Variants in NCOR1 observed in about 807,000 individuals in gnomAD.
NCOR1 encodes the protein protein phosphatase 1, regulatory subunit 109.
A neutral mutation model predicts 288.1 loss-of-function variants in NCOR1; 63 were observed. That is an observed-to-expected ratio of 0.22 (90% CI 0.18 to 0.27). The LOEUF is 0.27. Ranked by LOEUF, NCOR1 falls within the 10% of genes least tolerant of loss-of-function variation. NCOR1 has a pLI of 1.00. For missense variants in NCOR1, 2,397 were observed against 3,019.2 expected, an observed-to-expected ratio of 0.79 and a Z score of 4.83; for synonymous variants, 1,007 against 1,065.9, an observed-to-expected ratio of 0.94 and a Z score of 1.08.
In NCOR1 at chr17:16,186,649, T is replaced by C. The variant is rs1568553121; in HGVS notation, c.147A>G (p.Glu49=). The change falls in exon 3 of 46, where the codon GAA becomes GAG. Residue 49 remains glutamate (E), a synonymous_variant. Transcript: ENST00000268712. ...AVPDYRSSHL[E]VSQASQLLQQ... ...GCAAAAGCTGTGATGCCTGACTCAC[T>C]TCAAGATGAGAGGAACGATAATCAG... is the stretch of plus-strand genomic sequence containing the variant. 1.2e-6 allele frequency: 2 copies of C among 1,613,972 alleles called. No homozygotes were observed. Among genetic ancestry groups the C allele is most frequent in the Non-Finnish European group, 1.7e-6 (2 of 1,179,920 alleles).
At chr17:16,100,112 G>A (rs545874021) in intron 20 of NCOR1, among the ~76,000 whole-genome samples, 5 of 151,946 alleles carry the variant, frequency 3.3e-5, no homozygotes, top group Non-Finnish European at 7.4e-5. Context: ...AATTGGGTTC[G>A]GATTAAGTGA....
chr17:16,040,140 A>G, intron 43 of NCOR1: 4 of 528,202 alleles, frequency 7.6e-6, no homozygotes, highest in Non-Finnish European at 1.4e-5. Flanking sequence ...TTGTTTCCCA[A>G]GTGAATCAGT....
At chr17:16,137,188 C>T (rs2153234016) in intron 14 of NCOR1, 123 bp downstream of exon 14, 1 of 529,458 alleles carries the variant, frequency 1.9e-6, no homozygotes, top group Non-Finnish European at 3.3e-6. Context: ...AACATCCTCA[C>T]TAATTTAACA....
intron 1 of NCOR1, among the ~76,000 whole-genome samples, chr17:16,214,045 C>A (rs178798): frequency 0.46 from 69,629 of 151,922 alleles, 16,892 homozygotes; most frequent in Middle Eastern, 0.58. Context: ...AATAAATAAA[C>A]TTCCACCGGA....
At chr17:16,184,220 A>G (rs1330010134) in intron 3 of NCOR1, among the ~76,000 whole-genome samples, 1 of 152,198 alleles carries the variant, frequency 6.6e-6, no homozygotes, top group Non-Finnish European at 1.5e-5. Context: ...GCACAAATAT[A>G]TAAATGGGAC....
At chr17:16,092,411 T>TGG (rs1467715810) in intron 21 of NCOR1, among the ~76,000 whole-genome samples, 6 of 151,826 alleles carry the variant, frequency 4.0e-5, no homozygotes, top group African/African-American at 1.5e-4. Flanking sequence ...CACTTGAGCC[T>TGG]GGGAGGCAGA....
intron 5 of NCOR1, among the ~76,000 whole-genome samples, chr17:16,159,413 CAAAAAAAAAA>C (rs35243097): frequency 1.5e-5 from 1 of 66,296 alleles, no homozygotes; most frequent in South Asian, 6.0e-4. Flanking sequence ...AACTCTATCT[CAAAAAAAAAA>C]AAAAAAAAAA....
intron 18 of NCOR1, among the ~76,000 whole-genome samples, chr17:16,113,262 AAAT>A (rs1328532035): frequency 2.6e-5 from 4 of 152,142 alleles, no homozygotes; most frequent in African/African-American, 9.7e-5. Flanking sequence ...AAAAAAAAAA[AAAT>A]GACTTACTAA....
chr17:16,046,914 T>C (rs753757247), intron 42 of NCOR1, 37 bp downstream of exon 42: 3 of 1,608,350 alleles, frequency 1.9e-6, no homozygotes, highest in Non-Finnish European at 2.5e-6. Context: ...TATTAATGCA[T>C]GTTTTATTTG....
At chr17:16,070,136 T>A (rs1196283208) in intron 31 of NCOR1, 29 bp downstream of exon 31, 1 of 1,541,122 alleles carries the variant, frequency 6.5e-7, no homozygotes, top group Non-Finnish European at 8.7e-7. Flanking sequence ...CAATAAAAAG[T>A]ATCAGACCAA....
intron 14 of NCOR1, among the ~76,000 whole-genome samples, chr17:16,130,906 C>T (rs1055407001): frequency 6.6e-6 from 1 of 151,350 alleles, no homozygotes; most frequent in African/African-American, 2.4e-5. Context: ...CCAGGCTGGT[C>T]TCAAATTCCT....
intron 21 of NCOR1, among the ~76,000 whole-genome samples, chr17:16,095,218 C>A (rs1318618425): frequency 6.6e-6 from 1 of 151,666 alleles, no homozygotes; most frequent in Non-Finnish European, 1.5e-5. Context: ...TACCCCGCCG[C>A]CCCGTCTGGG....
chr17:16,107,429 G>C (rs1312775822), intron 19 of NCOR1, among the ~76,000 whole-genome samples: 1 of 152,176 alleles, frequency 6.6e-6, no homozygotes, highest in Admixed American at 6.5e-5. Context: ...GAAAGGCCAT[G>C]TAAGGACAAA....
intron 43 of NCOR1, 42 bp from the exon 44 acceptor site, chr17:16,039,696 C>T (rs753978583): frequency 6.5e-7 from 1 of 1,546,174 alleles, no homozygotes; most frequent in East Asian, 2.3e-5. Context: ...TTCTGAAAGG[C>T]CAATCAGGAA....
chr17:16,044,729 G>A (rs1456645367), intron 42 of NCOR1: 2 of 746,088 alleles, frequency 2.7e-6, no homozygotes, highest in African/African-American at 1.7e-5. Context: ...AGCAGCTGGT[G>A]TAAATGTTGA....
chr17:16,192,198 A>G (rs1349430695), intron 2 of NCOR1: 1 of 151,712 alleles, frequency 6.6e-6, no homozygotes, highest in Admixed American at 6.6e-5. Flanking sequence ...AAAATCAATG[A>G]TAAAGAGAAA....
intron 3 of NCOR1, among the ~76,000 whole-genome samples, chr17:16,184,506 C>T (rs1252022680): frequency 1.3e-5 from 2 of 152,108 alleles, no homozygotes; most frequent in African/African-American, 4.8e-5. Flanking sequence ...ATTAAAAGCA[C>T]TATGAGATAT....
intron 20 of NCOR1, among the ~76,000 whole-genome samples, chr17:16,100,076 A>G (rs373179615): frequency 6.6e-6 from 1 of 152,250 alleles, no homozygotes; most frequent in East Asian, 1.9e-4. Flanking sequence ...TATTCTTATT[A>G]AAAAGAAAAA....
chr17:16,204,379 AG>A (rs1158787086), intron 1 of NCOR1, among the ~76,000 whole-genome samples: 1 of 152,224 alleles, frequency 6.6e-6, no homozygotes, highest in Non-Finnish European at 1.5e-5. Context: ...TAAAAAGAGA[AG>A]GAAAAGGAGA....
Sources: allele counts gnomAD v4.1 joint callset (sites outside exome capture counted in the v4.1 genomes callset), GRCh38; gene constraint gnomAD v4.1.1; transcripts MANE v1.5; gene names NCBI Gene and HGNC (gene_info 2026-07-23, HGNC 2026-07-21).